CHRNA7: variants seen among roughly 807,000 people sequenced by gnomAD.
The protein encoded by CHRNA7 is cholinergic receptor nicotinic alpha 7 subunit.
Under a neutral mutation model 48.0 loss-of-function variants are expected in CHRNA7, and 17 were observed. That is an observed-to-expected ratio of 0.35 (90% CI 0.24 to 0.53). CHRNA7 has a LOEUF of 0.53. Among genes scored for constraint, CHRNA7 ranks in the 20% least tolerant of loss-of-function variants. The pLI is 0.92. For synonymous variants in CHRNA7, 75 were observed against 242.3 expected, an observed-to-expected ratio of 0.31 and a Z score of 6.41; for missense variants, 155 against 577.7, an observed-to-expected ratio of 0.27 and a Z score of 7.50.
intron 5 of CHRNA7, among the ~76,000 whole-genome samples, chr15:32,154,872 C>T (rs1398478307): frequency 0.017 from 4 of 238 alleles, no homozygotes; most frequent in Non-Finnish European, 0.033. Context: ...ACACACCACT[C>T]ACACACATCA....
intron 2 of CHRNA7, among the ~76,000 whole-genome samples, chr15:32,090,815 A>C (rs1303767338): frequency 6.6e-6 from 1 of 152,162 alleles, no homozygotes. Flanking sequence ...CAATTCTGGA[A>C]ATTTCTCAGC....
intron 3 of CHRNA7, chr15:32,103,406 T>C (rs1387902246): frequency 2.0e-5 from 1 of 51,002 alleles, no homozygotes; most frequent in Admixed American, 2.4e-4. Context: ...CAAGACTCAA[T>C]CTCAAGAAAA....
chr15:32,136,065 A>G (rs190181493), intron 4 of CHRNA7, among the ~76,000 whole-genome samples: 1 of 152,344 alleles, frequency 6.6e-6, no homozygotes, highest in African/African-American at 2.4e-5. Context: ...CTGTGCTACT[A>G]TTTTAAAAAA....
intron 2 of CHRNA7, among the ~76,000 whole-genome samples, chr15:32,043,382 C>G (rs1431035699): frequency 2.6e-5 from 4 of 152,074 alleles, no homozygotes; most frequent in Non-Finnish European, 4.4e-5. Context: ...GGTTTTAAAT[C>G]TATCCTTCAC....
intron 3 of CHRNA7, among the ~76,000 whole-genome samples, chr15:32,109,853 C>T (rs146205156): frequency 7.2e-5 from 11 of 152,262 alleles, no homozygotes; most frequent in Admixed American, 1.3e-4. Context: ...CCGTGGTTTA[C>T]GCAGTGGGGT....
chr15:32,085,320 A>G (rs911285044), intron 2 of CHRNA7, among the ~76,000 whole-genome samples: 1 of 152,178 alleles, frequency 6.6e-6, no homozygotes, highest in African/African-American at 2.4e-5. Flanking sequence ...ATGTTTTTCA[A>G]ACATTAGAGT....
At chr15:32,072,990 A>C (rs969688525) in intron 2 of CHRNA7, among the ~76,000 whole-genome samples, 7 of 152,130 alleles carry the variant, frequency 4.6e-5, no homozygotes, top group African/African-American at 1.7e-4. Context: ...CCACCAGGTC[A>C]CTGCCTACTG....
intron 2 of CHRNA7, among the ~76,000 whole-genome samples, chr15:32,073,869 C>T (rs1308112867): frequency 2.0e-5 from 3 of 152,152 alleles, no homozygotes; most frequent in Non-Finnish European, 4.4e-5. Context: ...GGGCAACCTG[C>T]AGAACCAGAA....
intron 3 of CHRNA7, among the ~76,000 whole-genome samples, chr15:32,105,507 G>GGAGGAGGAGGAGGAAAA (rs969159920): frequency 6.6e-6 from 1 of 151,018 alleles, no homozygotes; most frequent in African/African-American, 2.5e-5. Flanking sequence ...GAGGAAAGGA[G>GGAGGAGGAGGAGGAAAA]GAGGAGGAGG....
chr15:32,101,145 A>G, intron 2 of CHRNA7, 158 bp from the exon 3 acceptor site: 2 of 668,476 alleles, frequency 3.0e-6, no homozygotes, highest in Non-Finnish European at 5.0e-6. Flanking sequence ...GCTTAACTCT[A>G]GGGAAATGCT....
intron 4 of CHRNA7, among the ~76,000 whole-genome samples, chr15:32,118,752 A>G (rs2050915340): frequency 6.6e-6 from 1 of 152,108 alleles, no homozygotes; most frequent in Non-Finnish European, 1.5e-5. Context: ...CCCACCAGAG[A>G]AACAGAGATG....
chr15:32,114,089 TACAC>T (rs1287180293), intron 4 of CHRNA7, among the ~76,000 whole-genome samples: 6 of 137,214 alleles, frequency 4.4e-5, no homozygotes, highest in Non-Finnish European at 7.7e-5. Context: ...CATACATACA[TACAC>T]ACACACATAT....
At chr15:32,033,099 G>C (rs947251151) in intron 2 of CHRNA7, among the ~76,000 whole-genome samples, 1 of 152,158 alleles carries the variant, frequency 6.6e-6, no homozygotes, top group Non-Finnish European at 1.5e-5. Context: ...TCATGGGAAG[G>C]GGGCGGGAGA....
At chr15:32,053,555 G>A (rs1424969364) in intron 2 of CHRNA7, among the ~76,000 whole-genome samples, 1 of 152,148 alleles carries the variant, frequency 6.6e-6, no homozygotes, top group African/African-American at 2.4e-5. Flanking sequence ...ATTTATGTGT[G>A]TGTAAATGCA....
chr15:32,113,060 G>C (rs544126937), intron 4 of CHRNA7, among the ~76,000 whole-genome samples: 1 of 152,158 alleles, frequency 6.6e-6, no homozygotes, highest in Non-Finnish European at 1.5e-5. Context: ...TCTGTTTCTT[G>C]GGGGGCTGTA....
chr15:32,147,495 G>A (rs777388619), intron 4 of CHRNA7, among the ~76,000 whole-genome samples: 1 of 152,224 alleles, frequency 6.6e-6, no homozygotes, highest in Non-Finnish European at 1.5e-5. Flanking sequence ...TGAGGCTCCA[G>A]TGAGCCACGA....
intron 2 of CHRNA7, among the ~76,000 whole-genome samples, chr15:32,043,469 C>T (rs922077121): frequency 2.0e-5 from 3 of 151,704 alleles, no homozygotes; most frequent in Non-Finnish European, 4.4e-5. Flanking sequence ...GGATTAATTG[C>T]TCATTTTATA....
chr15:32,125,242 A>G (rs1377633268), intron 4 of CHRNA7, among the ~76,000 whole-genome samples: 2 of 152,238 alleles, frequency 1.3e-5, no homozygotes, highest in Non-Finnish European at 2.9e-5. Context: ...AGTGAAATGG[A>G]AAGAACAGAC....
chr15:32,082,063 A>G (rs974690859), intron 2 of CHRNA7, among the ~76,000 whole-genome samples: 4 of 152,098 alleles, frequency 2.6e-5, no homozygotes, highest in Non-Finnish European at 4.4e-5. Flanking sequence ...CCAATGAATA[A>G]TACTTTGTCA....
Sources: allele counts gnomAD v4.1 joint callset (sites outside exome capture counted in the v4.1 genomes callset), GRCh38; gene constraint gnomAD v4.1.1; transcripts MANE v1.5; gene names NCBI Gene and HGNC (gene_info 2026-07-23, HGNC 2026-07-21).